Variants in ATP8A2 observed in about 807,000 individuals in gnomAD.
ATP8A2 encodes the protein phospholipid-transporting ATPase IB.
Under a neutral mutation model 165.6 loss-of-function variants are expected in ATP8A2, and 100 were observed. The ratio of observed to expected loss-of-function variants is 0.60; its 90% confidence interval spans 0.51 to 0.71. The LOEUF (loss-of-function observed/expected upper bound fraction) is 0.71. ATP8A2 is among the 30% of genes least tolerant of loss of function. The pLI, the probability that ATP8A2 is intolerant of heterozygous loss-of-function variation, is 0.00. For missense variants in ATP8A2, 1,227 were observed against 1,479.5 expected (o/e 0.83, Z 2.80); for synonymous variants, 543 against 548.8 (o/e 0.99, Z 0.15).
chr13:25,790,280 A>C (rs1338125812), intron 27 of ATP8A2, among the ~76,000 whole-genome samples: 1 of 152,238 alleles, frequency 6.6e-6, no homozygotes, highest in African/African-American at 2.4e-5. Context: ...CTACAGAGTA[A>C]ATAGACAACC....
At chr13:25,968,036 A>G (rs1238185450) in intron 34 of ATP8A2, among the ~76,000 whole-genome samples, 1 of 152,188 alleles carries the variant, frequency 6.6e-6, no homozygotes, top group East Asian at 1.9e-4. Flanking sequence ...CCACGTTTCA[A>G]GCCTCTGGTT....
chr13:25,689,887 T>C (rs1040244738), intron 24 of ATP8A2, among the ~76,000 whole-genome samples: 4 of 152,174 alleles, frequency 2.6e-5, no homozygotes, highest in Non-Finnish European at 5.9e-5. Context: ...AAACATCTAT[T>C]TTGAGGAGAA....
In ATP8A2 at chr13:25,372,185, G is replaced by C. The variant is rs2032424244; in HGVS notation, c.-28G>C. On this transcript the variant is annotated 5_prime_UTR_variant, in exon 1 of 37. Coordinates refer to ENST00000381655, the MANE Select transcript of ATP8A2 (RefSeq NM_016529.6). This position sits in a 1 kb window ranked among gnomAD's most constrained non-coding sequence, Gnocchi z 4.8. Reference sequence around the variant, plus strand: ...GCGCGTAGCCTCCGTCTCTCGCCCGGGGCCGCCGAGCCCCCGACACGGGCG... The same window carrying C: ...GCGCGTAGCCTCCGTCTCTCGCCCGCGGCCGCCGAGCCCCCGACACGGGCG... 1.4e-6 allele frequency: 2 copies of C among 1,416,436 alleles called. No homozygotes were observed. Among genetic ancestry groups the C allele is most frequent in the African/African-American group, 1.5e-5 (1 of 67,286 alleles). The allele number at this position is 1,416,436 out of a possible 1,614,324, so 87.7% of individuals were successfully genotyped here.
chr13:25,578,484 C>T lies in ATP8A2; in HGVS notation c.1783-331C>T, dbSNP rs188926389. On this transcript the variant is annotated intron_variant, in intron 20 of 36. Coordinates refer to ENST00000381655, the MANE Select transcript of ATP8A2 (RefSeq NM_016529.6). ...GTGCATTTTACCCTTTCTCCTTCTGCGCAAACGCCTGATAAACTTTGGGAT... is the reference window on the plus strand; with the variant it reads ...GTGCATTTTACCCTTTCTCCTTCTGTGCAAACGCCTGATAAACTTTGGGAT... Among the ~76,000 whole-genome samples the T allele has an allele frequency of 1.8e-3, 269 of 152,290 alleles. 2 individuals carry two copies. The highest frequency in any genetic ancestry group is 5.4e-3 in the African/African-American group (225 of 41,548).
chr13:25,832,535 A>G (rs923971618), intron 28 of ATP8A2, among the ~76,000 whole-genome samples: 2 of 152,226 alleles, frequency 1.3e-5, no homozygotes, highest in African/African-American at 2.4e-5. Context: ...TATTTTGGGG[A>G]TACAGGAGTC....
intron 1 of ATP8A2, among the ~76,000 whole-genome samples, chr13:25,403,516 T>G (rs1298229265): frequency 6.6e-6 from 1 of 152,118 alleles, no homozygotes; most frequent in Non-Finnish European, 1.5e-5. Flanking sequence ...TCAAGTTGAG[T>G]TGTGGATCCT....
At chr13:25,913,875 T>TC (rs1281200888) in intron 33 of ATP8A2, among the ~76,000 whole-genome samples, 1 of 152,198 alleles carries the variant, frequency 6.6e-6, no homozygotes, top group African/African-American at 2.4e-5. Flanking sequence ...ACCATGGAAG[T>TC]CAAAGTTCTA....
At chr13:25,388,700 C>A (rs1164822362) in intron 1 of ATP8A2, among the ~76,000 whole-genome samples, 3 of 152,136 alleles carry the variant, frequency 2.0e-5, no homozygotes, top group African/African-American at 7.2e-5. Flanking sequence ...GATTTCATTT[C>A]TGCCTTTTAG....
chr13:25,578,472 T>C (rs987426724), intron 20 of ATP8A2, among the ~76,000 whole-genome samples: 2 of 152,200 alleles, frequency 1.3e-5, no homozygotes, highest in East Asian at 3.8e-4. Flanking sequence ...CATTTTACCC[T>C]TTCTCCTTCT....
chr13:25,541,852 G>C, intron 8 of ATP8A2, 67 bp from the exon 9 acceptor site: 1 of 1,568,678 alleles, frequency 6.4e-7, no homozygotes, highest in Non-Finnish European at 8.7e-7. Flanking sequence ...TAACCATAGG[G>C]ATGCTGAATG....
At chr13:25,853,023 T>C (rs1473417899) in intron 30 of ATP8A2, among the ~76,000 whole-genome samples, 2 of 152,178 alleles carry the variant, frequency 1.3e-5, no homozygotes, top group Non-Finnish European at 2.9e-5. Flanking sequence ...TTTCATGTAG[T>C]TGCTAAAGTA....
intron 35 of ATP8A2, among the ~76,000 whole-genome samples, chr13:25,972,207 A>G (rs1039617551): frequency 6.6e-5 from 10 of 152,216 alleles, no homozygotes; most frequent in African/African-American, 2.4e-4. Flanking sequence ...CATTCAATAA[A>G]ATATTTTCAT....
intron 25 of ATP8A2, among the ~76,000 whole-genome samples, chr13:25,706,826 A>G (rs1004290186): frequency 3.3e-5 from 5 of 152,086 alleles, no homozygotes; most frequent in African/African-American, 1.2e-4. Context: ...ATATTTGCCC[A>G]TTTGTTGATT....
At chr13:25,737,220 G>A (rs1392133987) in intron 25 of ATP8A2, among the ~76,000 whole-genome samples, 1 of 152,176 alleles carries the variant, frequency 6.6e-6, no homozygotes, top group Non-Finnish European at 1.5e-5. Flanking sequence ...ATGAGGAAAC[G>A]GGTCCTCAGG....
chr13:25,695,091 T>C (rs559060933), intron 24 of ATP8A2, among the ~76,000 whole-genome samples: 2 of 152,220 alleles, frequency 1.3e-5, no homozygotes, highest in African/African-American at 4.8e-5. Flanking sequence ...GACCAGTCCA[T>C]AGCAATAAAG....
chr13:25,732,626 T>G lies in ATP8A2; in HGVS notation c.2384+33281T>G, dbSNP rs75096385. On this transcript the variant is annotated intron_variant, in intron 25 of 36. Transcript: ENST00000381655. ...TTTCACCAGAAGTGCTTCAGTTCCG[T>G]TGAGTCCTGTGTGATGTACTTCAGC... is the stretch of plus-strand genomic sequence containing the variant. Among the ~76,000 whole-genome samples, 865 of 152,328 alleles carry G rather than the reference T, an allele frequency of 5.7e-3. 10 individuals are homozygous for G. The highest frequency in any genetic ancestry group is 0.02 in the African/African-American group (834 of 41,570).
chr13:25,922,901 C>T (rs1270240064), intron 33 of ATP8A2, among the ~76,000 whole-genome samples: 2 of 152,152 alleles, frequency 1.3e-5, no homozygotes, highest in Non-Finnish European at 2.9e-5. Context: ...TACCCAGACC[C>T]TTGCCTGCTA....
At chr13:25,944,155 A>T (rs1199097740) in intron 33 of ATP8A2, among the ~76,000 whole-genome samples, 1 of 152,250 alleles carries the variant, frequency 6.6e-6, no homozygotes, top group Non-Finnish European at 1.5e-5. Context: ...GCAAATCATG[A>T]TATAGAAAAT....
chr13:25,770,793 G>A lies in ATP8A2; in HGVS notation c.2568+1564G>A, dbSNP rs184032996. Among the ~76,000 whole-genome samples, 6 of 152,314 alleles carry A rather than the reference G, an allele frequency of 3.9e-5. No homozygotes were observed. In the East Asian group the frequency reaches 1.2e-3, roughly 29 times the overall value. ...GAATAGATGCCTGCTCATCGGCTGG[G>A]TAGCAGGAATTCCCTTGTGTTTCTA... On this transcript the variant is annotated intron_variant, in intron 26 of 36. Transcript: ENST00000381655.
Sources: allele counts gnomAD v4.1 joint callset (sites outside exome capture counted in the v4.1 genomes callset), GRCh38; gene constraint gnomAD v4.1.1; non-coding constraint Gnocchi (gnomAD v3.1); transcripts MANE v1.5; gene names NCBI Gene and HGNC (gene_info 2026-07-23, HGNC 2026-07-21).